The following BSG variants were observed in gnomAD, a reference collection of about 807,000 sequenced individuals.
BSG encodes the protein basigin (Ok blood group).
A neutral mutation model predicts 43.1 loss-of-function variants in BSG; 37 were observed. The observed-to-expected ratio is 0.86, with a 90% confidence interval of 0.66 to 1.13. The LOEUF (loss-of-function observed/expected upper bound fraction) is 1.13. Among genes scored for constraint, BSG ranks in the 50% most tolerant of loss-of-function variants. BSG has a pLI of 0.00. For synonymous variants in BSG, 309 were observed against 238.7 expected (o/e 1.29, Z -2.72); for missense variants, 599 against 554.2 (o/e 1.08, Z -0.81).
intron 1 of BSG, among the ~76,000 whole-genome samples, chr19:573,589 G>A (rs1814701099): frequency 6.6e-6 from 1 of 152,154 alleles, no homozygotes; most frequent in Non-Finnish European, 1.5e-5. Flanking sequence ...GGAAGGGAAG[G>A]CGGAATCTCC....
At chr19:577,439 C>T (rs1460003893) in intron 1 of BSG, among the ~76,000 whole-genome samples, 1 of 152,188 alleles carries the variant, frequency 6.6e-6, no homozygotes, top group Non-Finnish European at 1.5e-5. Context: ...GAGGACGGTG[C>T]GCTTGGGACC....
chr19:579,051 C>T (rs954314761), intron 2 of BSG: 10 of 457,096 alleles, frequency 2.2e-5, no homozygotes, highest in African/African-American at 1.2e-4. Context: ...CAGCTGGCTA[C>T]GTTTTTAGAA....
upstream of BSG, chr19:571,745 G>A: frequency 1.5e-6 from 1 of 656,548 alleles, no homozygotes; most frequent in South Asian, 1.7e-5. Context: ...CAGAGCACAC[G>A]GGACAAAGGA....
chr19:576,761 A>AAGT (rs1258333669), intron 1 of BSG, among the ~76,000 whole-genome samples: 6 of 106,490 alleles, frequency 5.6e-5, no homozygotes, highest in African/African-American at 2.1e-4. Flanking sequence ...AAAAAAAAAA[A>AAGT]AGAAGAAGAG....
At chr19:577,383 A>C (rs1981867176) in intron 1 of BSG, among the ~76,000 whole-genome samples, 1 of 151,972 alleles carries the variant, frequency 6.6e-6, no homozygotes, top group South Asian at 2.1e-4. Flanking sequence ...TGTTTTTCTC[A>C]GCAGCTCACC....
At chr19:581,285 T>G (rs373097790) in intron 5 of BSG, 30 bp from the exon 6 acceptor site, 1 of 1,592,802 alleles carries the variant, frequency 6.3e-7, no homozygotes, top group South Asian at 1.1e-5. Flanking sequence ...CTGGGGGTCC[T>G]GGACTCAGCC....
intron 1 of BSG, among the ~76,000 whole-genome samples, chr19:573,470 C>T (rs1981474212): frequency 6.6e-6 from 1 of 152,178 alleles, no homozygotes; most frequent in Admixed American, 6.5e-5. Context: ...GAAGGGATTA[C>T]CGTTCTTCAC....
At position 582,484 on chromosome 19, in the gene BSG, C is replaced by T. The variant is rs769108118; in HGVS notation, c.1095-30C>T. On this transcript the variant is annotated intron_variant, in intron 7 of 8. Transcript: ENST00000333511. ...CTTGGAGAGAGTGACTTGCGGGGGACACCCTCTCACCCGGCCCCTCGTGCC... is the reference window on the plus strand; with the variant it reads ...CTTGGAGAGAGTGACTTGCGGGGGATACCCTCTCACCCGGCCCCTCGTGCC... The T allele has an allele frequency of 3.1e-6, 5 of 1,604,818 alleles. No individual in the cohort carries two copies. In the South Asian group the frequency reaches 3.3e-5, roughly 11 times the overall value.
chr19:581,885 C>T (rs996023145), intron 6 of BSG, among the ~76,000 whole-genome samples: 10 of 152,268 alleles, frequency 6.6e-5, no homozygotes, highest in African/African-American at 1.9e-4. Context: ...CGTGGTGAGC[C>T]GGCCCTTGCT....
At chr19:572,911 G>C (rs1188501852) in intron 1 of BSG, among the ~76,000 whole-genome samples, 1 of 152,122 alleles carries the variant, frequency 6.6e-6, no homozygotes, top group Non-Finnish European at 1.5e-5. Context: ...TCCCGGCGCG[G>C]CCTGCCGGGC....
chr19:582,062 G>A (rs1409303048), intron 6 of BSG, among the ~76,000 whole-genome samples: 1 of 152,248 alleles, frequency 6.6e-6, no homozygotes, highest in African/African-American at 2.4e-5. Flanking sequence ...GGGCAGGGGT[G>A]AGGCCCACGA....
intron 1 of BSG, among the ~76,000 whole-genome samples, chr19:575,684 T>G (rs1227506738): frequency 6.7e-6 from 1 of 148,832 alleles, no homozygotes; most frequent in Non-Finnish European, 1.5e-5. Context: ...GCGGCCTGCC[T>G]GGCCCTGAGC....
At chr19:571,478 C>T (rs1981229808), upstream of BSG, 1 of 776,582 alleles carries the variant, frequency 1.3e-6, no homozygotes, top group Non-Finnish European at 2.4e-6. Context: ...TTCCTACCCG[C>T]GTTGCTGAGA....
chr19:574,135 A>T (rs1194569918), intron 1 of BSG, among the ~76,000 whole-genome samples: 1 of 152,038 alleles, frequency 6.6e-6, no homozygotes, highest in Non-Finnish European at 1.5e-5. Context: ...CACGCCTGTA[A>T]TCCCAGCCAC....
intron 3 of BSG, chr19:579,875 C>T: frequency 1.5e-6 from 1 of 658,562 alleles, no homozygotes; most frequent in Non-Finnish European, 2.5e-6. Flanking sequence ...GCAGGAGTCC[C>T]CATTGCTTGC....
At chr19:576,301 G>A (rs962263512) in intron 1 of BSG, among the ~76,000 whole-genome samples, 6 of 152,250 alleles carry the variant, frequency 3.9e-5, no homozygotes, top group African/African-American at 1.4e-4. Flanking sequence ...AGGATGAGGA[G>A]AGGGGCTGCT....
intron 5 of BSG, among the ~76,000 whole-genome samples, chr19:581,040 C>T (rs1435676125): frequency 1.1e-5 from 1 of 91,332 alleles, no homozygotes; most frequent in Non-Finnish European, 2.0e-5. Context: ...CTGGGGGTCC[C>T]GGACCCAGCC....
chr19:573,496 C>T (rs1356763210), intron 1 of BSG, among the ~76,000 whole-genome samples: 1 of 152,188 alleles, frequency 6.6e-6, no homozygotes, highest in Non-Finnish European at 1.5e-5. Flanking sequence ...TTAGCCCTGG[C>T]GTCTTGCCTA....
At chr19:581,808 G>C (rs978210537) in intron 6 of BSG, among the ~76,000 whole-genome samples, 3 of 152,228 alleles carry the variant, frequency 2.0e-5, no homozygotes, top group Non-Finnish European at 2.9e-5. Flanking sequence ...GGAGGAGGCG[G>C]CACCTCCGCC....
Sources: allele counts gnomAD v4.1 joint callset (sites outside exome capture counted in the v4.1 genomes callset), GRCh38; gene constraint gnomAD v4.1.1; transcripts MANE v1.5; gene names NCBI Gene and HGNC (gene_info 2026-07-23, HGNC 2026-07-21).